Variants in SELPLG observed in about 807,000 individuals in gnomAD.
SELPLG encodes selectin P ligand, also known as P-selectin glycoprotein ligand 1.
Under a neutral mutation model 1.1 loss-of-function variants are expected in SELPLG, and 2 were observed. That is an observed-to-expected ratio of 1.82 (90% CI 0.74 to 5.71). SELPLG has a LOEUF of 5.71. SELPLG is among the 30% of genes most tolerant of loss of function. SELPLG has a pLI of 0.05. For missense variants in SELPLG, 478 were observed against 524.7 expected, an observed-to-expected ratio of 0.91 and a Z score of 0.87; for synonymous variants, 230 against 221.2, an observed-to-expected ratio of 1.04 and a Z score of -0.35.
intron 1 of SELPLG, among the ~76,000 whole-genome samples, chr12:108,630,199 G>A (rs138793068): frequency 5.3e-5 from 8 of 152,228 alleles, no homozygotes; most frequent in Non-Finnish European, 8.8e-5. Flanking sequence ...TGCCTCTTTC[G>A]CCCTAAAACC....
rs764635836 is a variant in SELPLG at position 108,623,226 on chromosome 12, T to G, written c.1082A>C (p.Glu361Ala). The G allele has an allele frequency of 1.2e-6, 2 of 1,613,762 alleles. No homozygotes were observed. The highest frequency in any genetic ancestry group is 1.7e-6 in the Non-Finnish European group (2 of 1,179,912). The change falls in exon 2 of 2, where the codon GAG becomes GCG. Residue 361 changes from glutamate (E) to alanine (A), a missense_variant. Glu to Ala is a moderately radical substitution (Grantham distance 107, BLOSUM62 -1). Transcript: ENST00000550948. ...MYPVRNYSPT[E>A]MVCISSLLPD... ...CAACAGGGATGAGATGCAGACCATCTCGGTGGGGGAGTAATTACGCACGGG... is the reference window on the plus strand; with the variant it reads ...CAACAGGGATGAGATGCAGACCATCGCGGTGGGGGAGTAATTACGCACGGG...
chr12:108,632,279 G>A (rs1362523493), intron 1 of SELPLG, among the ~76,000 whole-genome samples: 2 of 152,188 alleles, frequency 1.3e-5, no homozygotes, highest in Non-Finnish European at 2.9e-5. Context: ...CCACTGAGGG[G>A]CCTGGCTCTG....
rs1592817631 is a variant in SELPLG at position 108,623,668 on chromosome 12, T to G, written c.640A>C (p.Thr214Pro). ...TAPAAMEAQT[T>P]PPAAMEAQTT... Reference sequence around the variant, plus strand: ...TGTGCCTCCATGGCTGCTGGTGGAGTGGTCTGTGCTTCCATGGCTGCTGGT... The same window carrying G: ...TGTGCCTCCATGGCTGCTGGTGGAGGGGTCTGTGCTTCCATGGCTGCTGGT... Residue 214 changes from threonine (T) to proline (P), a missense_variant, in exon 2 of 2, where the codon ACT becomes CCT. Physicochemically the swap from Thr to Pro is conservative, Grantham distance 38. Coordinates refer to ENST00000550948, the MANE Select transcript of SELPLG (RefSeq NM_003006.4). The G allele has an allele frequency of 3.9e-6, 6 of 1,522,650 alleles. No individual in the cohort carries two copies. The highest frequency in any genetic ancestry group is 5.2e-6 in the Non-Finnish European group (6 of 1,144,770). 94.3% of individuals were successfully genotyped at this position (1,522,650 alleles called of 1,614,324 possible).
intron 1 of SELPLG, among the ~76,000 whole-genome samples, chr12:108,627,312 C>G (rs2031954185): frequency 6.6e-6 from 1 of 152,108 alleles, no homozygotes; most frequent in Non-Finnish European, 1.5e-5. Context: ...CAGGAGACAC[C>G]TGACCTAGTT....
chr12:108,633,111 A>G (rs8179109), intron 1 of SELPLG, among the ~76,000 whole-genome samples: 2,788 of 152,264 alleles, frequency 0.018, 38 homozygotes, highest in Admixed American at 0.027. Context: ...AAAGGAGAGG[A>G]TAAGATCATT....
rs146380542 is a variant in SELPLG at position 108,630,784 on chromosome 12, T to C, written c.-6+2956A>G. ...CTTTCCAGATTGCCCCAGGCACGAT[T>C]AGTCACCTCCCGTGTTTAAATCATT... is the stretch of plus-strand genomic sequence containing the variant. On this transcript the variant is annotated intron_variant, in intron 1 of 1. Coordinates refer to ENST00000550948, the MANE Select transcript of SELPLG (RefSeq NM_003006.4). Among the ~76,000 whole-genome samples, 311 of 152,344 alleles carry C rather than the reference T, an allele frequency of 2.0e-3. 2 individuals are homozygous for C. Among genetic ancestry groups the C allele is most frequent in the African/African-American group, 7.3e-3 (304 of 41,560 alleles).
Position 108,623,441 on chromosome 12 carries a change from G to C in SELPLG, c.867C>G (p.Ser289=). Residue 289 remains serine, a synonymous_variant, in exon 2 of 2, where the codon TCC becomes TCG. Coordinates refer to ENST00000550948, the MANE Select transcript of SELPLG (RefSeq NM_003006.4). ...KRGLFIPFSV[S]SVTHKGIPMA... ...TGGGAATGCCCTTGTGAGTAACAGA[G>C]GACACAGAAAAGGGTATGAACAGAC... 6.2e-7 allele frequency: 1 copy of C among 1,614,234 alleles called. No individual in the cohort carries two copies.
At position 108,622,047 on chromosome 12, in the gene SELPLG, C is replaced by T. The variant is rs939875980; in HGVS notation, c.*1022G>A. The stretch of plus-strand genomic sequence containing the variant: ...GGGGAAGGGGCAGCCCTCCCTTTGG[C>T]CCCCCATAGCCTGAACTTTTCCTGG... On this transcript the variant is annotated 3_prime_UTR_variant, in exon 2 of 2. Transcript: ENST00000550948. 6.6e-6 allele frequency among the ~76,000 whole-genome samples: 1 copy of T among 152,246 alleles called. No individual in the cohort carries two copies. Among genetic ancestry groups the T allele is most frequent in the Middle Eastern group, 3.4e-3 (1 of 294 alleles).
At chr12:108,632,088 G>T in intron 1 of SELPLG, 1 of 650,668 alleles carries the variant, frequency 1.5e-6, no homozygotes, top group Non-Finnish European at 2.6e-6. Context: ...TGATTCCCCA[G>T]CTCCTCTGAA....
chr12:108,631,619 A>G (rs959672896), intron 1 of SELPLG, among the ~76,000 whole-genome samples: 7 of 152,126 alleles, frequency 4.6e-5, no homozygotes, highest in Non-Finnish European at 1.0e-4. Flanking sequence ...TGCAAACCAC[A>G]GTGTTAGTTG....
intron 1 of SELPLG, chr12:108,628,651 G>A (rs763475109): frequency 1.3e-5 from 2 of 152,320 alleles, no homozygotes; most frequent in East Asian, 3.8e-4. Context: ...TTCCCGGGTT[G>A]GGGGAGGCAT....
chr12:108,623,640 G>A lies in SELPLG; in HGVS notation c.668C>T (p.Thr223Ile), dbSNP rs1418293591. Residue 223 changes from threonine (T) to isoleucine (I), a missense_variant, in exon 2 of 2, where the codon ACC becomes ATC. Transcript: ENST00000550948. ...TGCCTCCATGGCTGTGGTTTGAGTG[G>A]TCTGTGCCTCCATGGCTGCTGGTGG... is the stretch of plus-strand genomic sequence containing the variant. ...TTPPAAMEAQ[T>I]TQTTAMEAQT... 6.5e-7 allele frequency: 1 copy of A among 1,534,270 alleles called. No homozygotes were observed. Among genetic ancestry groups the A allele is most frequent in the Non-Finnish European group, 8.7e-7 (1 of 1,145,078 alleles).
rs772504919 is a variant in SELPLG, at chr12:108,624,102, G to A, written c.206C>T (p.Thr69Ile). 6.2e-7 allele frequency: 1 copy of A among 1,614,218 alleles called. No homozygotes were observed. The highest frequency in any genetic ancestry group is 1.1e-5 in the South Asian group (1 of 91,088). Reference protein sequence around the residue: ...PPEMLRNSTDTTPLTGPGTPE... With the variant: ...PPEMLRNSTDITPLTGPGTPE... ...GGTTCCAGGCCCAGTCAGAGGAGTGGTGTCAGTGCTGTTCCTCAGCATTTC... is the reference window on the plus strand; with the variant it reads ...GGTTCCAGGCCCAGTCAGAGGAGTGATGTCAGTGCTGTTCCTCAGCATTTC... Residue 69 changes from threonine to isoleucine, a missense_variant, in exon 2 of 2, where the codon ACC becomes ATC. Transcript: ENST00000550948.
chr12:108,626,241 TCTC>T (rs1265906891), intron 1 of SELPLG, among the ~76,000 whole-genome samples: 13 of 151,150 alleles, frequency 8.6e-5, no homozygotes, highest in African/African-American at 2.9e-4. Context: ...TTCAAGCAAT[TCTC>T]CTTCCTCAGC....
intron 1 of SELPLG, among the ~76,000 whole-genome samples, chr12:108,627,521 T>G (rs1439564093): frequency 6.6e-6 from 1 of 152,248 alleles, no homozygotes; most frequent in Non-Finnish European, 1.5e-5. Context: ...CCTTACAAGC[T>G]GTATGACCTT....
intron 1 of SELPLG, among the ~76,000 whole-genome samples, chr12:108,630,591 C>A (rs1178993115): frequency 6.6e-6 from 1 of 152,166 alleles, no homozygotes; most frequent in African/African-American, 2.4e-5. Flanking sequence ...CAAACCAGGT[C>A]AATCCCCAGC....
In SELPLG at chr12:108,622,126, A is replaced by C. The variant is rs191006450; in HGVS notation, c.*943T>G. Among the ~76,000 whole-genome samples, 1 of 152,252 alleles carries C rather than the reference A, an allele frequency of 6.6e-6. No individual in the cohort carries two copies. Among genetic ancestry groups the C allele is most frequent in the Admixed American group, 6.5e-5 (1 of 15,302 alleles). ...TGTCCAAGAGGCAAAACTGAAGTCA[A>C]CCTAACAGCCCATGAAAGAGGCTTC... On this transcript the variant is annotated 3_prime_UTR_variant, in exon 2 of 2. Coordinates refer to ENST00000550948, the MANE Select transcript of SELPLG (RefSeq NM_003006.4).
chr12:108,630,049 C>T (rs1205893577), intron 1 of SELPLG, among the ~76,000 whole-genome samples: 2 of 152,154 alleles, frequency 1.3e-5, no homozygotes, highest in African/African-American at 4.8e-5. Flanking sequence ...CCCCACCTTC[C>T]ACCTCTCCTC....
At position 108,624,043 on chromosome 12, in the gene SELPLG, G is replaced by T; in HGVS notation, c.265C>A (p.Arg89Ser). The change falls in exon 2 of 2, where the codon CGT (arginine) becomes AGT (serine). Residue 89 changes from arginine to serine, a missense_variant. Coordinates refer to ENST00000550948, the MANE Select transcript of SELPLG (RefSeq NM_003006.4). Reference sequence around the variant, plus strand: ...CCTCCTGCATCCAGGCCAGTAGAACGCCTTGCAGCAGGCTCCACAGTGGTA... The same window carrying T: ...CCTCCTGCATCCAGGCCAGTAGAACTCCTTGCAGCAGGCTCCACAGTGGTA... ...ESTTVEPAAR[R>S]STGLDAGGAV... 6.2e-7 allele frequency: 1 copy of T among 1,614,226 alleles called. No homozygotes were observed.
Sources: gnomAD v4.1 joint callset for allele counts (sites outside exome capture counted in the v4.1 genomes callset) on GRCh38, gnomAD v4.1.1 for gene constraint, MANE v1.5 for transcripts, NCBI Gene and HGNC (gene_info 2026-07-23, HGNC 2026-07-21) for gene names.